Variants in PLCB1 observed in about 807,000 individuals in gnomAD.
The protein encoded by PLCB1 is phospholipase C beta 1, also known as 1-phosphatidylinositol 4,5-bisphosphate phosphodiesterase beta-1.
In PLCB1, 46 loss-of-function variants were observed where a neutral mutation model predicts 161.8. The ratio of observed to expected loss-of-function variants is 0.28; its 90% confidence interval spans 0.22 to 0.36. The LOEUF is 0.36. PLCB1 is among the 10% of genes least tolerant of loss of function. The probability of loss-of-function intolerance (pLI) is 1.00; values close to 1 mark genes in which losing one functional copy is unlikely to be tolerated. For missense variants in PLCB1, 1,016 were observed against 1,472.5 expected, an observed-to-expected ratio of 0.69 and a Z score of 5.07; for synonymous variants, 517 against 503.7, an observed-to-expected ratio of 1.03 and a Z score of -0.35.
At chr20:8,558,789 T>C (rs1400224368) in intron 3 of PLCB1, among the ~76,000 whole-genome samples, 1 of 151,764 alleles carries the variant, frequency 6.6e-6, no homozygotes, top group East Asian at 2.0e-4. Flanking sequence ...ATATTTAAAA[T>C]GCCAAAACAG....
intron 3 of PLCB1, among the ~76,000 whole-genome samples, chr20:8,500,681 T>C (rs929812418): frequency 3.3e-5 from 5 of 152,232 alleles, no homozygotes; most frequent in Non-Finnish European, 4.4e-5. Context: ...AGGTAAGATT[T>C]ACCAAACTCT....
chr20:8,694,849 G>T (rs1990552536), intron 10 of PLCB1, among the ~76,000 whole-genome samples: 1 of 152,106 alleles, frequency 6.6e-6, no homozygotes, highest in Non-Finnish European at 1.5e-5. Context: ...TTTTCTGCAG[G>T]AGCAAGCATT....
At chr20:8,797,914 C>A (rs573550708) in intron 31 of PLCB1, among the ~76,000 whole-genome samples, 1 of 152,278 alleles carries the variant, frequency 6.6e-6, no homozygotes, top group Admixed American at 6.5e-5. Flanking sequence ...GTTTTAATGG[C>A]CAGGCATGGT....
intron 31 of PLCB1, among the ~76,000 whole-genome samples, chr20:8,830,255 T>C (rs1985918402): frequency 6.6e-6 from 1 of 152,176 alleles, no homozygotes; most frequent in Non-Finnish European, 1.5e-5. Context: ...AAGAAGTCCA[T>C]TCCAATGAAA....
chr20:8,872,502 A>G (rs2146326380), intron 31 of PLCB1, among the ~76,000 whole-genome samples: 1 of 152,278 alleles, frequency 6.6e-6, no homozygotes, highest in East Asian at 1.9e-4. Flanking sequence ...CATGTTTTCT[A>G]GGAGTTGTTT....
At chr20:8,495,776 C>A (rs1983144744) in intron 3 of PLCB1, among the ~76,000 whole-genome samples, 1 of 152,130 alleles carries the variant, frequency 6.6e-6, no homozygotes, top group African/African-American at 2.4e-5. Flanking sequence ...ACCTTAGGGA[C>A]CTTTTCCTAC....
At chr20:8,288,387 A>G (rs544193443) in intron 2 of PLCB1, among the ~76,000 whole-genome samples, 1 of 152,306 alleles carries the variant, frequency 6.6e-6, no homozygotes, top group Admixed American at 6.5e-5. Flanking sequence ...AGAGCTTGAG[A>G]TGGAGATTCT....
At chr20:8,858,179 G>A (rs2146309743) in intron 31 of PLCB1, among the ~76,000 whole-genome samples, 1 of 152,202 alleles carries the variant, frequency 6.6e-6, no homozygotes, top group South Asian at 2.1e-4. Context: ...TAAAGGTTTA[G>A]CAGTCAAAAC....
chr20:8,531,428 A>T (rs1984811367), intron 3 of PLCB1, among the ~76,000 whole-genome samples: 1 of 152,148 alleles, frequency 6.6e-6, no homozygotes, highest in African/African-American at 2.4e-5. Flanking sequence ...CATAATTATT[A>T]CAATTGGAAT....
intron 31 of PLCB1, among the ~76,000 whole-genome samples, chr20:8,831,939 T>C (rs145294252): frequency 6.3e-4 from 60 of 94,818 alleles, no homozygotes; most frequent in African/African-American, 2.3e-3. Context: ...TCTTTCTTTC[T>C]TTCTTTCTTT....
chr20:8,436,006 AGT>A (rs1468480762), intron 3 of PLCB1, among the ~76,000 whole-genome samples: 1 of 152,180 alleles, frequency 6.6e-6, no homozygotes, highest in Non-Finnish European at 1.5e-5. Flanking sequence ...GGAAAATAAC[AGT>A]GTGTTCTCTA....
intron 18 of PLCB1, 24 bp downstream of exon 18, chr20:8,729,198 C>T (rs1427143587): frequency 5.8e-6 from 9 of 1,562,126 alleles, no homozygotes; most frequent in Non-Finnish European, 7.8e-6. Context: ...TGTTCCCATT[C>T]TGCTATGAAC....
At chr20:8,545,168 C>T (rs1433133132) in intron 3 of PLCB1, among the ~76,000 whole-genome samples, 1 of 152,140 alleles carries the variant, frequency 6.6e-6, no homozygotes. Context: ...GGAAACCTTC[C>T]TGAGAAAAGT....
chr20:8,863,746 A>G (rs1026760673), intron 31 of PLCB1, among the ~76,000 whole-genome samples: 3 of 152,222 alleles, frequency 2.0e-5, no homozygotes, highest in Non-Finnish European at 2.9e-5. Context: ...TTGATTTTCA[A>G]TCTACTTCTA....
At chr20:8,336,883 G>T (rs940293348) in intron 2 of PLCB1, among the ~76,000 whole-genome samples, 2 of 151,656 alleles carry the variant, frequency 1.3e-5, no homozygotes, top group Non-Finnish European at 2.9e-5. Context: ...CTACAACACT[G>T]TGATGATAAC....
At position 8,740,429 on chromosome 20, in the gene PLCB1, T is replaced by C. The variant is rs767931097; in HGVS notation, c.2394T>C (p.Tyr798=). The change falls in exon 22 of 32, where the codon TAT becomes TAC. Residue 798 remains tyrosine (Y), a synonymous_variant. Transcript: ENST00000338037. ...AVFVYIEVKD[Y]VPDTYADVIE... is the part of the protein sequence containing the mutation. ...TTGTCTACATAGAAGTGAAAGACTA[T>C]GTGCCAGACACATATGCAGGTAAAC... is the stretch of plus-strand genomic sequence containing the variant. 5.7e-6 allele frequency: 9 copies of C among 1,590,644 alleles called. 1 individual carries two copies. The East Asian group carries it at 6.8e-5, about 12-fold the overall frequency.
rs1395156083 is a variant in PLCB1 at position 8,145,146 on chromosome 20, GT to G, written c.100-5147del. ...GTTTGGGAGGAAGTGGGAGATAAAG[GT>G]GTCAGCAGGGTTGCTTCCTGCTGAG... On this transcript the variant is annotated intron_variant, in intron 1 of 31. Coordinates refer to ENST00000338037, the MANE Select transcript of PLCB1 (RefSeq NM_015192.4). Among the ~76,000 whole-genome samples, 3 of 152,156 alleles carry G rather than the reference GT, an allele frequency of 2.0e-5. No individual in the cohort carries two copies. The East Asian group carries it at 5.8e-4, about 29-fold the overall frequency.
chr20:8,493,300 G>A (rs1600105513), intron 3 of PLCB1, among the ~76,000 whole-genome samples: 1 of 151,910 alleles, frequency 6.6e-6, no homozygotes, highest in Non-Finnish European at 1.5e-5. Context: ...CATGAACACT[G>A]ACTTAAAAAA....
intron 24 of PLCB1, 146 bp from the exon 25 acceptor site, chr20:8,760,261 T>G: frequency 3.4e-6 from 2 of 581,474 alleles, no homozygotes; most frequent in South Asian, 4.9e-5. Context: ...TTTTTAAGAA[T>G]AATTTTTATA....
Sources: gnomAD v4.1 joint callset for allele counts (sites outside exome capture counted in the v4.1 genomes callset) on GRCh38, gnomAD v4.1.1 for gene constraint, MANE v1.5 for transcripts, NCBI Gene and HGNC (gene_info 2026-07-23, HGNC 2026-07-21) for gene names.